CFAP96: variants seen among roughly 807,000 people sequenced by gnomAD.
The protein encoded by CFAP96 is cilia and flagella associated protein 96.
At chr4:185,436,228 TA>T in the CFAP96 span, 2 of 1,542,952 alleles carry the variant, frequency 1.3e-6, no homozygotes, top group Non-Finnish European at 1.7e-6. Context: ...TTTTGAAATT[TA>T]AAAAAATTAA....
At chr4:185,443,342 A>ATATATTTTTTTTTTTTTT in the CFAP96 span, among the ~76,000 whole-genome samples, 4 of 26,728 alleles carry the variant, frequency 1.5e-4, no homozygotes, top group East Asian at 1.5e-3. Context: ...ATATATATAT[A>ATATATTTTTTTTTTTTTT]TTTTTTTTTT....
At chr4:185,448,541 C>T in the CFAP96 span, among the ~76,000 whole-genome samples, 1 of 152,120 alleles carries the variant, frequency 6.6e-6, no homozygotes, top group African/African-American at 2.4e-5. Flanking sequence ...TGTCACTGAA[C>T]CACGATTCCC....
chr4:185,437,308 G>A, the CFAP96 span, among the ~76,000 whole-genome samples: 1,428 of 152,184 alleles, frequency 9.4e-3, 17 homozygotes, highest in African/African-American at 0.032. Context: ...ACTTATATGC[G>A]GAATGTCTAT....
the CFAP96 span, among the ~76,000 whole-genome samples, chr4:185,419,313 G>C: frequency 6.6e-6 from 1 of 152,028 alleles, no homozygotes; most frequent in East Asian, 1.9e-4. Context: ...TGTATTTTTA[G>C]TAGAGACGGG....
At chr4:185,439,894 C>T in the CFAP96 span, among the ~76,000 whole-genome samples, 1 of 145,378 alleles carries the variant, frequency 6.9e-6, no homozygotes, top group African/African-American at 2.5e-5. Context: ...ATACATATCT[C>T]ACATATACAC....
chr4:185,430,852 C>T, the CFAP96 span, among the ~76,000 whole-genome samples: 1 of 149,892 alleles, frequency 6.7e-6, no homozygotes. Flanking sequence ...GAGCCATGGT[C>T]TCACCACTGC....
At chr4:185,413,840 G>C in the CFAP96 span, 2 of 1,610,900 alleles carry the variant, frequency 1.2e-6, no homozygotes, top group East Asian at 4.5e-5. Flanking sequence ...AATAGGGTCT[G>C]TCGTGAGGCA....
At chr4:185,432,142 G>A in the CFAP96 span, 138 of 1,551,670 alleles carry the variant, frequency 8.9e-5, no homozygotes, top group Non-Finnish European at 7.0e-5. Context: ...GGGATATGGT[G>A]GAAGCAGCCA....
the CFAP96 span, among the ~76,000 whole-genome samples, chr4:185,419,091 C>T: frequency 6.6e-6 from 1 of 152,086 alleles, no homozygotes; most frequent in Non-Finnish European, 1.5e-5. Flanking sequence ...CTCATTCCCC[C>T]TACTTTTCTC....
chr4:185,427,356 A>G, the CFAP96 span, among the ~76,000 whole-genome samples: 73 of 152,380 alleles, frequency 4.8e-4, 1 homozygote, highest in Admixed American at 3.4e-3. Context: ...TTTCAGTTTA[A>G]AATGAATCTT....
chr4:185,426,622 C>G, the CFAP96 span, among the ~76,000 whole-genome samples: 1 of 152,362 alleles, frequency 6.6e-6, no homozygotes, highest in South Asian at 2.1e-4. Context: ...CGGGCAGCAT[C>G]TATGCCTTCT....
At chr4:185,423,047 C>T in the CFAP96 span, among the ~76,000 whole-genome samples, 5 of 152,282 alleles carry the variant, frequency 3.3e-5, no homozygotes, top group Admixed American at 1.3e-4. Context: ...TTAGTAAGGA[C>T]GGGATCTCAG....
At chr4:185,426,050 G>T in the CFAP96 span, 1 of 660,288 alleles carries the variant, frequency 1.5e-6, no homozygotes, top group Non-Finnish European at 2.6e-6. Flanking sequence ...CGGACGGCGA[G>T]GCGGGGCGGG....
chr4:185,415,809 G>T, the CFAP96 span: 8 of 1,613,328 alleles, frequency 5.0e-6, no homozygotes, highest in Admixed American at 1.3e-4. Context: ...AATGATGGGC[G>T]TTACAGCTGC....
At chr4:185,424,345 C>T in the CFAP96 span, among the ~76,000 whole-genome samples, 1 of 152,104 alleles carries the variant, frequency 6.6e-6, no homozygotes, top group African/African-American at 2.4e-5. Context: ...ATGTAAAAGG[C>T]ACTATGCTAA....
chr4:185,436,369 C>G, the CFAP96 span: 1,368,149 of 1,523,184 alleles, frequency 0.9, 617,193 homozygotes, highest in East Asian at 0.98. Flanking sequence ...GGTAAAAAAT[C>G]TGTTTTGAAT....
At chr4:185,426,018 C>T in the CFAP96 span, 1 of 844,368 alleles carries the variant, frequency 1.2e-6, no homozygotes, top group Non-Finnish European at 1.9e-6. Flanking sequence ...CGTCACGGAG[C>T]GTACCACACC....
the CFAP96 span, among the ~76,000 whole-genome samples, chr4:185,437,448 G>A: frequency 1.3e-5 from 2 of 152,146 alleles, no homozygotes; most frequent in Admixed American, 1.3e-4. Flanking sequence ...GCATTAAATG[G>A]CAATCACTTT....
At chr4:185,445,099 G>C in the CFAP96 span, 1 of 1,551,610 alleles carries the variant, frequency 6.4e-7, no homozygotes, top group Non-Finnish European at 8.7e-7. Context: ...AAGCAGACCA[G>C]TTGAAAGTAT....
Sources: allele counts gnomAD v4.1 joint callset (sites outside exome capture counted in the v4.1 genomes callset), GRCh38; gene constraint gnomAD v4.1.1; transcripts MANE v1.5; gene names NCBI Gene and HGNC (gene_info 2026-07-23, HGNC 2026-07-21).